Variants in LRRTM4 observed in about 807,000 individuals in gnomAD.
The protein encoded by LRRTM4 is leucine rich repeat transmembrane neuronal 4, also known as leucine-rich repeat transmembrane neuronal protein 4.
Under a neutral mutation model 47.6 loss-of-function variants are expected in LRRTM4, and 25 were observed. That is an observed-to-expected ratio of 0.53 (90% confidence interval 0.38 to 0.73). The LOEUF is 0.73. LRRTM4 is among the 30% of genes least tolerant of loss of function. The pLI is 0.00. For synonymous variants in LRRTM4, 311 were observed against 269.5 expected (o/e 1.15, Z -1.51); for missense variants, 638 against 713.4 (o/e 0.89, Z 1.20).
intron 3 of LRRTM4, among the ~76,000 whole-genome samples, chr2:77,265,452 T>C (rs918910355): frequency 6.6e-6 from 1 of 152,092 alleles, no homozygotes; most frequent in South Asian, 2.1e-4. Context: ...TCTCTCTACC[T>C]TCCCGCTGCC....
At chr2:77,436,564 T>G (rs558627964) in intron 3 of LRRTM4, among the ~76,000 whole-genome samples, 3 of 152,042 alleles carry the variant, frequency 2.0e-5, no homozygotes, top group African/African-American at 7.2e-5. Flanking sequence ...TAATTTATTA[T>G]AGAATCCATT....
chr2:77,382,877 T>A (rs541349778), intron 3 of LRRTM4, among the ~76,000 whole-genome samples: 1 of 152,150 alleles, frequency 6.6e-6, no homozygotes, highest in East Asian at 1.9e-4. Flanking sequence ...CATACGAAAA[T>A]CCACATCCTT....
chr2:77,461,425 G>T (rs780731225), intron 3 of LRRTM4, among the ~76,000 whole-genome samples: 6 of 151,846 alleles, frequency 4.0e-5, no homozygotes, highest in Non-Finnish European at 8.8e-5. Flanking sequence ...TTTCTCACTG[G>T]ATACACACAT....
In LRRTM4 at chr2:77,419,434, G is replaced by A. The variant is rs369319934; in HGVS notation, c.1551+98884C>T. Among the ~76,000 whole-genome samples the A allele has an allele frequency of 3.9e-5, 6 of 152,132 alleles. No homozygotes were observed. In the South Asian group the frequency reaches 1.2e-3, roughly 31 times the overall value. On this transcript the variant is annotated intron_variant, in intron 3 of 3. Transcript: ENST00000409884. ...CAAAACAGCATAGTATTTGCATACA[G>A]CCTACACAAATATTCCCAAATACTT... is the stretch of plus-strand genomic sequence containing the variant.
intron 3 of LRRTM4, among the ~76,000 whole-genome samples, chr2:77,136,868 G>A (rs570509080): frequency 6.6e-6 from 1 of 152,004 alleles, no homozygotes; most frequent in East Asian, 1.9e-4. Flanking sequence ...CTGGAAGAAA[G>A]GGTATGAGTG....
rs907810443 is a variant in LRRTM4, at chr2:77,371,541, TTATC to T, written c.1551+146773_1551+146776del. On this transcript the variant is annotated intron_variant, in intron 3 of 3. Transcript: ENST00000409884. The stretch of plus-strand genomic sequence containing the variant: ...TGATTTACCTCAATATTCCACCTCT[TTATC>T]TATTACACTTTTACTGCCACAACCA... Among the ~76,000 whole-genome samples the T allele has an allele frequency of 2.0e-5, 3 of 151,704 alleles. No homozygotes were observed. In the Admixed American group the frequency reaches 2.0e-4, roughly 10 times the overall value.
At chr2:76,927,253 A>G (rs1195747241) in intron 3 of LRRTM4, among the ~76,000 whole-genome samples, 1 of 152,086 alleles carries the variant, frequency 6.6e-6, no homozygotes, top group East Asian at 1.9e-4. Flanking sequence ...AGGAATTACC[A>G]TATGTATCCA....
chr2:77,376,100 A>G (rs1672830277), intron 3 of LRRTM4, among the ~76,000 whole-genome samples: 1 of 151,912 alleles, frequency 6.6e-6, no homozygotes. Flanking sequence ...GAAAGAAAGG[A>G]CAAAACTAAA....
intron 3 of LRRTM4, among the ~76,000 whole-genome samples, chr2:77,107,145 T>TA (rs1274975122): frequency 6.6e-6 from 1 of 152,062 alleles, no homozygotes; most frequent in Non-Finnish European, 1.5e-5. Context: ...AATTGGAAGT[T>TA]AAGAAAAGAC....
At chr2:77,021,864 T>C (rs1208224262) in intron 3 of LRRTM4, among the ~76,000 whole-genome samples, 1 of 152,242 alleles carries the variant, frequency 6.6e-6, no homozygotes, top group Non-Finnish European at 1.5e-5. Context: ...CATTGTTTAA[T>C]GATTGCCACA....
chr2:77,517,785 G>A, intron 3 of LRRTM4: 1 of 984,586 alleles, frequency 1.0e-6, no homozygotes, highest in Non-Finnish European at 1.2e-6. Flanking sequence ...TAACTAAATG[G>A]CAAGTAACAT....
At chr2:76,811,030 G>A (rs749202377) in intron 3 of LRRTM4, among the ~76,000 whole-genome samples, 1 of 152,084 alleles carries the variant, frequency 6.6e-6, no homozygotes, top group Non-Finnish European at 1.5e-5. Context: ...GTGACTAATT[G>A]AAATATAGAA....
chr2:77,090,408 T>A (rs1670568994), intron 3 of LRRTM4, among the ~76,000 whole-genome samples: 1 of 152,228 alleles, frequency 6.6e-6, no homozygotes, highest in South Asian at 2.1e-4. Flanking sequence ...CAAAATACAT[T>A]TTATTACCCA....
intron 3 of LRRTM4, among the ~76,000 whole-genome samples, chr2:77,260,678 C>A (rs560695786): frequency 6.6e-6 from 1 of 150,642 alleles, no homozygotes; most frequent in East Asian, 1.9e-4. Context: ...GGCACACATG[C>A]AATAAATGCT....
intron 3 of LRRTM4, among the ~76,000 whole-genome samples, chr2:77,233,009 T>C (rs1675009496): frequency 6.6e-6 from 1 of 152,184 alleles, no homozygotes; most frequent in African/African-American, 2.4e-5. Flanking sequence ...CAATATAAAT[T>C]AGTGGATGAA....
At chr2:76,899,843 T>C (rs562000049) in intron 3 of LRRTM4, among the ~76,000 whole-genome samples, 1 of 152,312 alleles carries the variant, frequency 6.6e-6, no homozygotes, top group Admixed American at 6.5e-5. Flanking sequence ...ACAAGTTCTT[T>C]GTTCATTATG....
intron 3 of LRRTM4, among the ~76,000 whole-genome samples, chr2:76,799,279 A>T (rs1675527796): frequency 8.9e-6 from 1 of 112,432 alleles, no homozygotes; most frequent in Non-Finnish European, 1.7e-5. Flanking sequence ...CATCCCTGGG[A>T]TGCAAGGCTG....
intron 3 of LRRTM4, among the ~76,000 whole-genome samples, chr2:76,904,434 T>A (rs981373437): frequency 1.3e-5 from 2 of 152,214 alleles, no homozygotes; most frequent in African/African-American, 4.8e-5. Context: ...ATATACTGAC[T>A]TTACGCTTTA....
intron 3 of LRRTM4, among the ~76,000 whole-genome samples, chr2:76,816,578 G>T (rs1236043145): frequency 6.6e-6 from 1 of 150,428 alleles, no homozygotes; most frequent in Non-Finnish European, 1.5e-5. Context: ...TATTTTTTTT[G>T]GAATCTGTAT....
Sources: gnomAD v4.1 joint callset for allele counts (sites outside exome capture counted in the v4.1 genomes callset) on GRCh38, gnomAD v4.1.1 for gene constraint, MANE v1.5 for transcripts, NCBI Gene and HGNC (gene_info 2026-07-23, HGNC 2026-07-21) for gene names.